FNDC3B: variants seen among roughly 807,000 people sequenced by gnomAD.
The protein encoded by FNDC3B is fibronectin type III domain-containing protein 3B.
FNDC3B carries 12 observed loss-of-function variants against 151.5 expected under a neutral mutation model. The observed-to-expected ratio is 0.08, with a 90% CI of 0.05 to 0.13. The LOEUF (loss-of-function observed/expected upper bound fraction) is 0.13. FNDC3B is among the 10% of genes least tolerant of loss of function. The pLI is 1.00. For missense variants in FNDC3B, 1,214 were observed against 1,505.3 expected (o/e 0.81, Z 3.20); for synonymous variants, 528 against 549.0 (o/e 0.96, Z 0.54).
At chr3:172,225,615 T>C (rs569061183) in intron 3 of FNDC3B, 1 of 155,164 alleles carries the variant, frequency 6.4e-6, no homozygotes, top group African/African-American at 2.4e-5. Flanking sequence ...TTAATCTTTT[T>C]CTATTATGTT....
chr3:172,148,533 T>C (rs1047349728), intron 3 of FNDC3B: 1 of 152,162 alleles, frequency 6.6e-6, no homozygotes, highest in Non-Finnish European at 1.5e-5. Context: ...CTGAGGAACA[T>C]TGCCTACAGA....
intron 1 of FNDC3B, among the ~76,000 whole-genome samples, chr3:172,096,855 C>G (rs12696328): frequency 0.49 from 74,309 of 151,182 alleles, 19,658 homozygotes; most frequent in Admixed American, 0.59. Flanking sequence ...AAATACGGGC[C>G]AAATATTTTT....
At chr3:172,381,202 T>C (rs1735419521) in intron 25 of FNDC3B, 109 bp downstream of exon 25, 1 of 1,247,298 alleles carries the variant, frequency 8.0e-7, no homozygotes, top group Non-Finnish European at 1.1e-6. Context: ...AAATCAGTGA[T>C]AGAAACTGCC....
intron 3 of FNDC3B, among the ~76,000 whole-genome samples, chr3:172,217,108 T>G (rs534058056): frequency 6.6e-6 from 1 of 152,206 alleles, no homozygotes; most frequent in Non-Finnish European, 1.5e-5. Context: ...ACAGAAATGC[T>G]TGTTCTCTTC....
chr3:172,137,639 G>A (rs960268830), intron 3 of FNDC3B, among the ~76,000 whole-genome samples: 11 of 151,870 alleles, frequency 7.2e-5, no homozygotes, highest in African/African-American at 1.7e-4. Flanking sequence ...CTGAGACCCC[G>A]TCTATTAAAA....
intron 1 of FNDC3B, among the ~76,000 whole-genome samples, chr3:172,088,001 T>A (rs1718637349): frequency 6.6e-6 from 1 of 152,186 alleles, no homozygotes; most frequent in South Asian, 2.1e-4. Flanking sequence ...TTATCATTCG[T>A]CACCTCAGCC....
chr3:172,153,974 ACT>A (rs202212309), intron 3 of FNDC3B, among the ~76,000 whole-genome samples: 2,428 of 152,038 alleles, frequency 0.016, 54 homozygotes, highest in African/African-American at 0.048. Flanking sequence ...GGAGAAAAGG[ACT>A]CTGAGAAACT....
chr3:172,112,977 G>A (rs1429489630), intron 2 of FNDC3B, among the ~76,000 whole-genome samples: 2 of 152,160 alleles, frequency 1.3e-5, no homozygotes, highest in African/African-American at 2.4e-5. Context: ...GACAAGACAC[G>A]TAGGGCAGTG....
At chr3:172,296,385 C>G (rs1448585046) in intron 8 of FNDC3B, among the ~76,000 whole-genome samples, 1 of 152,192 alleles carries the variant, frequency 6.6e-6, no homozygotes, top group African/African-American at 2.4e-5. Context: ...AGACAGTCTT[C>G]CTGACAAGGA....
At chr3:172,086,540 T>C (rs1718554646) in intron 1 of FNDC3B, among the ~76,000 whole-genome samples, 1 of 152,214 alleles carries the variant, frequency 6.6e-6, no homozygotes, top group African/African-American at 2.4e-5. Context: ...GAATTGCCTA[T>C]TTGATTATGT....
intron 22 of FNDC3B, among the ~76,000 whole-genome samples, chr3:172,362,341 A>G (rs1221360229): frequency 6.6e-6 from 1 of 151,882 alleles, no homozygotes; most frequent in Admixed American, 6.6e-5. Flanking sequence ...ATAAAAGCGT[A>G]TCTTTAAGAT....
chr3:172,323,781 AC>A lies in FNDC3B; in HGVS notation c.1255-5168del, dbSNP rs570784506. Among the ~76,000 whole-genome samples, 474 of 152,162 alleles carry A rather than the reference AC, an allele frequency of 3.1e-3. 1 individual carries two copies. The highest frequency in any genetic ancestry group is 5.5e-3 in the Non-Finnish European group (371 of 68,006). ...TTGCCATTCTTCAGAATTTAGCAGG[AC>A]CCTGTAGGAACAAGAACAATATCTA... is the stretch of plus-strand genomic sequence containing the variant. On this transcript the variant is annotated intron_variant, in intron 11 of 25. Coordinates refer to ENST00000415807, the MANE Select transcript of FNDC3B (RefSeq NM_022763.4).
intron 6 of FNDC3B, among the ~76,000 whole-genome samples, chr3:172,258,869 G>A (rs537526136): frequency 5.8e-4 from 88 of 152,258 alleles, no homozygotes; most frequent in African/African-American, 1.8e-3. Flanking sequence ...TTCACAAGTG[G>A]CAGATTTCCT....
intron 25 of FNDC3B, among the ~76,000 whole-genome samples, chr3:172,393,678 A>G: frequency 6.6e-6 from 1 of 152,248 alleles, no homozygotes; most frequent in East Asian, 1.9e-4. Context: ...CTAGAAATCA[A>G]TGCCAGAAGG....
intron 3 of FNDC3B, among the ~76,000 whole-genome samples, chr3:172,174,942 C>CCCCCCCA (rs1553769237): frequency 1.7e-4 from 11 of 66,488 alleles, no homozygotes; most frequent in Non-Finnish European, 3.6e-4. Context: ...CACCCCCCCC[C>CCCCCCCA]CCCCAATACA....
chr3:172,091,554 AGT>A (rs1034361821), intron 1 of FNDC3B, among the ~76,000 whole-genome samples: 16 of 152,154 alleles, frequency 1.1e-4, no homozygotes, highest in Admixed American at 2.6e-4. Flanking sequence ...TGTTCTGAAA[AGT>A]GTGTGTGCGT....
intron 6 of FNDC3B, among the ~76,000 whole-genome samples, chr3:172,257,885 G>A (rs1279910737): frequency 1.3e-5 from 2 of 152,206 alleles, no homozygotes. Flanking sequence ...AGTAGCATTT[G>A]AGAACTGCTG....
chr3:172,327,033 A>G (rs1036263964), intron 11 of FNDC3B, among the ~76,000 whole-genome samples: 2 of 152,196 alleles, frequency 1.3e-5, no homozygotes, highest in Non-Finnish European at 2.9e-5. Context: ...GATACGACAC[A>G]TACCAGGGCT....
At chr3:172,126,128 C>G (rs1427911540) in intron 2 of FNDC3B, among the ~76,000 whole-genome samples, 1 of 152,002 alleles carries the variant, frequency 6.6e-6, no homozygotes, top group East Asian at 1.9e-4. Flanking sequence ...CACAGTGTGC[C>G]TGGACATTAT....
Sources: gnomAD v4.1 joint callset for allele counts (sites outside exome capture counted in the v4.1 genomes callset) on GRCh38, gnomAD v4.1.1 for gene constraint, MANE v1.5 for transcripts, NCBI Gene and HGNC (gene_info 2026-07-23, HGNC 2026-07-21) for gene names.